PIGL: variants seen among roughly 807,000 people sequenced by gnomAD.
PIGL encodes the protein N-acetylglucosaminyl-phosphatidylinositol de-N-acetylase.
Under a neutral mutation model 31.1 loss-of-function variants are expected in PIGL, and 22 were observed. The ratio of observed to expected loss-of-function variants is 0.71; its 90% CI spans 0.51 to 1.01. The LOEUF (loss-of-function observed/expected upper bound fraction) is 1.01. Ranked by LOEUF, PIGL falls within the 50% of genes least tolerant of loss-of-function variation. The probability of loss-of-function intolerance (pLI) is 0.00; values close to 1 mark genes in which losing one functional copy is unlikely to be tolerated. For missense variants in PIGL, 302 were observed against 315.9 expected, an observed-to-expected ratio of 0.96 and a Z score of 0.33; for synonymous variants, 131 against 117.4, an observed-to-expected ratio of 1.12 and a Z score of -0.75.
chr17:16,317,617 T>C, intron 5 of PIGL, 158 bp from the exon 6 acceptor site: 3 of 1,443,762 alleles, frequency 2.1e-6, no homozygotes, highest in Non-Finnish European at 2.7e-6. Context: ...GCAAGAATCA[T>C]GGGCACAGGG....
At chr17:16,283,047 G>T (rs2324306) in intron 2 of PIGL, among the ~76,000 whole-genome samples, 61,256 of 151,478 alleles carry the variant, frequency 0.4, 13,803 homozygotes, top group Middle Eastern at 0.52. Context: ...CTGTTGCCCA[G>T]GTTGGAGTGC....
At chr17:16,247,493 G>C (rs1600773138) in intron 2 of PIGL, among the ~76,000 whole-genome samples, 1 of 152,200 alleles carries the variant, frequency 6.6e-6, no homozygotes, top group African/African-American at 2.4e-5. Flanking sequence ...CCAAAAGGGA[G>C]AAATGGGTGA....
chr17:16,294,365 T>C (rs2092972564), intron 2 of PIGL, among the ~76,000 whole-genome samples: 1 of 152,192 alleles, frequency 6.6e-6, no homozygotes, highest in Non-Finnish European at 1.5e-5. Flanking sequence ...TCCCTGAGCT[T>C]CTGGGGTGAA....
At chr17:16,238,324 C>T (rs1245421844) in intron 2 of PIGL, among the ~76,000 whole-genome samples, 3 of 151,408 alleles carry the variant, frequency 2.0e-5, no homozygotes, top group Admixed American at 6.6e-5. Flanking sequence ...ATGATGCCTG[C>T]AATTTACTTT....
At chr17:16,229,686 G>A (rs923392122) in intron 1 of PIGL, among the ~76,000 whole-genome samples, 2 of 151,850 alleles carry the variant, frequency 1.3e-5, no homozygotes, top group African/African-American at 4.8e-5. Context: ...CCTAGTAAGT[G>A]TGCAGTGATG....
chr17:16,283,358 C>T (rs2092924462), intron 2 of PIGL, among the ~76,000 whole-genome samples: 1 of 152,132 alleles, frequency 6.6e-6, no homozygotes. Context: ...GTCCCAGCTA[C>T]TCAAGAGGCT....
chr17:16,275,590 A>C (rs980048552), intron 2 of PIGL, among the ~76,000 whole-genome samples: 1 of 152,096 alleles, frequency 6.6e-6, no homozygotes, highest in African/African-American at 2.4e-5. Flanking sequence ...CCTTCCTTTT[A>C]TAAGAGAACC....
At chr17:16,323,551 A>G (rs1217916880) in intron 6 of PIGL, among the ~76,000 whole-genome samples, 2 of 133,834 alleles carry the variant, frequency 1.5e-5, no homozygotes, top group African/African-American at 5.6e-5. Flanking sequence ...GGGCCTTTTT[A>G]TTGTTAATTT....
intron 2 of PIGL, among the ~76,000 whole-genome samples, chr17:16,264,517 G>A (rs1419173075): frequency 2.0e-5 from 3 of 152,002 alleles, no homozygotes; most frequent in Admixed American, 2.0e-4. Flanking sequence ...TCTTTGAAAT[G>A]CCTCACCTAG....
chr17:16,305,833 G>A (rs937474890), intron 3 of PIGL, among the ~76,000 whole-genome samples: 29 of 152,190 alleles, frequency 1.9e-4, no homozygotes, highest in African/African-American at 7.0e-4. Flanking sequence ...GCCTAGGCTG[G>A]AATGCAGTGG....
chr17:16,229,890 T>G (rs2092671116), intron 1 of PIGL, among the ~76,000 whole-genome samples: 1 of 108,420 alleles, frequency 9.2e-6, no homozygotes. Context: ...TGAGACGGAG[T>G]CTCGCTCTGT....
In PIGL at chr17:16,324,019, C is replaced by T. The variant is rs946267376; in HGVS notation, c.661-1781C>T. ...TTGCCCAGGCTGGAGTGCGATGATGCGATCTTGGCTCACTGCAACCTCTGC... is the reference window on the plus strand; with the variant it reads ...TTGCCCAGGCTGGAGTGCGATGATGTGATCTTGGCTCACTGCAACCTCTGC... On this transcript the variant is annotated intron_variant, in intron 6 of 6. Transcript: ENST00000225609. Among the ~76,000 whole-genome samples, 26 of 149,552 alleles carry T rather than the reference C, an allele frequency of 1.7e-4. 1 individual carries two copies. The highest frequency in any genetic ancestry group is 2.2e-4 in the Non-Finnish European group (15 of 67,396).
rs772180924 is a variant in PIGL, at chr17:16,316,676, T to C, written c.495-5T>C. The C allele has an allele frequency of 3.1e-6, 5 of 1,600,780 alleles. No individual in the cohort carries two copies. The Admixed American group carries it at 6.7e-5, about 21-fold the overall frequency. ...CCTCTCACTCTTGTCCTATCCCTCCTCCAGGGCCCTGCACTCAGAAGGGAA... is the reference window on the plus strand; with the variant it reads ...CCTCTCACTCTTGTCCTATCCCTCCCCCAGGGCCCTGCACTCAGAAGGGAA... On this transcript the variant is annotated splice_region_variant and splice_polypyrimidine_tract_variant and intron_variant, in intron 4 of 6. Coordinates refer to ENST00000225609, the MANE Select transcript of PIGL (RefSeq NM_004278.4).
chr17:16,293,728 C>T lies in PIGL; in HGVS notation c.336-6160C>T, dbSNP rs547247657. ...TGTTTATTTATTTTAAAAAATTGTT[C>T]ATTGACTTGAGTTGTACCATGTACC... On this transcript the variant is annotated intron_variant, in intron 2 of 6. Coordinates refer to ENST00000225609, the MANE Select transcript of PIGL (RefSeq NM_004278.4). 5.9e-5 allele frequency among the ~76,000 whole-genome samples: 9 copies of T among 152,216 alleles called. No individual in the cohort carries two copies. In the South Asian group the frequency reaches 1.9e-3, roughly 32 times the overall value.
chr17:16,230,710 T>C (rs936546523), intron 1 of PIGL, among the ~76,000 whole-genome samples: 3 of 151,800 alleles, frequency 2.0e-5, no homozygotes, highest in Admixed American at 1.3e-4. Context: ...TTCTACTTCC[T>C]GGGTTCAAGC....
At chr17:16,223,569 T>C (rs1221561474) in intron 1 of PIGL, among the ~76,000 whole-genome samples, 1 of 151,568 alleles carries the variant, frequency 6.6e-6, no homozygotes, top group Non-Finnish European at 1.5e-5. Flanking sequence ...AGAGCTAGAC[T>C]CTATCTCAAA....
chr17:16,313,793 G>A (rs1214220618), intron 4 of PIGL, among the ~76,000 whole-genome samples, 179 bp downstream of exon 4: 1 of 152,192 alleles, frequency 6.6e-6, no homozygotes, highest in Non-Finnish European at 1.5e-5. Flanking sequence ...CTCTCGCTGA[G>A]AAATCTCTCT....
chr17:16,307,175 T>A (rs2093029878), intron 3 of PIGL, among the ~76,000 whole-genome samples: 1 of 152,232 alleles, frequency 6.6e-6, no homozygotes, highest in Non-Finnish European at 1.5e-5. Flanking sequence ...TGACTCTTCA[T>A]GAGGTTCCCA....
chr17:16,308,257 G>A (rs770449469), intron 3 of PIGL, among the ~76,000 whole-genome samples: 14 of 152,026 alleles, frequency 9.2e-5, no homozygotes, highest in Non-Finnish European at 1.3e-4. Context: ...GCTTGAACCC[G>A]GGAGGAGGAG....
Sources: allele counts gnomAD v4.1 joint callset (sites outside exome capture counted in the v4.1 genomes callset), GRCh38; gene constraint gnomAD v4.1.1; transcripts MANE v1.5; gene names NCBI Gene and HGNC (gene_info 2026-07-23, HGNC 2026-07-21).